NDEL1: variants seen among roughly 807,000 people sequenced by gnomAD.
NDEL1 encodes nudE neurodevelopment protein 1 like 1.
In NDEL1, 9 loss-of-function variants were observed where a neutral mutation model predicts 45.7. The ratio of observed to expected loss-of-function variants is 0.20; its 90% CI spans 0.12 to 0.34. The LOEUF (loss-of-function observed/expected upper bound fraction) is 0.34, where lower values mean the gene tolerates loss of function less well. NDEL1 is among the 10% of genes least tolerant of loss of function. The pLI is 1.00. For missense variants in NDEL1, 306 were observed against 406.2 expected (o/e 0.75, Z 2.12); for synonymous variants, 133 against 158.6 (o/e 0.84, Z 1.21).
At position 8,446,907 on chromosome 17, in the gene NDEL1, A is replaced by G. The variant is rs1910119614; in HGVS notation, c.389+5A>G. ...CGACCTGGAGCGAGCCAAAAGGTAA[A>G]CGAATGACTGCATTTTGTTAGAAAA... On this transcript the variant is annotated splice_donor_5th_base_variant and intron_variant, in intron 4 of 8. Coordinates refer to ENST00000334527, the MANE Select transcript of NDEL1 (RefSeq NM_030808.5). The G allele has an allele frequency of 6.2e-7, 1 of 1,613,204 alleles. No homozygotes were observed. The highest frequency in any genetic ancestry group is 1.3e-5 in the African/African-American group (1 of 74,858).
At position 8,428,356 on chromosome 17, in the gene NDEL1, G is replaced by T. The variant is rs1316148862; in HGVS notation, c.-13+15087G>T. Among the ~76,000 whole-genome samples the T allele has an allele frequency of 8.9e-5, 8 of 89,690 alleles. 1 individual carries two copies. Among genetic ancestry groups the T allele is most frequent in the South Asian group, 8.8e-4 (2 of 2,276 alleles). The allele number at this position is 89,690 out of a possible 152,430, so 58.8% of individuals were successfully genotyped here. On this transcript the variant is annotated intron_variant, in intron 1 of 4. Transcript: ENST00000582812. ...TGTGTGTGTGTGTGTGTGTGTGTGT[G>T]TGTGTATTTTTTTTTTTTTTTTTTC...
chr17:8,434,832 G>T (rs1377723901), upstream of NDEL1, among the ~76,000 whole-genome samples: 3 of 151,880 alleles, frequency 2.0e-5, no homozygotes, highest in Non-Finnish European at 4.4e-5. Context: ...AGCACTTTGG[G>T]AGGCCGAGGC....
chr17:8,472,605 G>C (rs148798929), downstream of NDEL1, among the ~76,000 whole-genome samples: 8 of 152,302 alleles, frequency 5.3e-5, no homozygotes, highest in East Asian at 1.4e-3. Flanking sequence ...GGAGGGTGAA[G>C]TGAGCTGAGA....
upstream of NDEL1, chr17:8,435,876 A>G (rs2151703259): frequency 1.1e-5 from 5 of 447,220 alleles, no homozygotes; most frequent in Non-Finnish European, 2.2e-5. Context: ...GGCCTCGGAC[A>G]CCCAGGCAGT....
At chr17:8,463,499 G>GTCC in intron 8 of NDEL1, 1 of 677,636 alleles carries the variant, frequency 1.5e-6, no homozygotes, top group Non-Finnish European at 2.5e-6. Context: ...AACTTTCACG[G>GTCC]TCCTGTTCGA....
Position 8,467,465 on chromosome 17 carries a change from A to G in NDEL1, c.*442A>G, listed in dbSNP as rs1911675810. ...CCTGAGCTCCCACCCAGGCATCTCC[A>G]GTGCTCATGATCATGTGTCCCCCAA... On this transcript the variant is annotated 3_prime_UTR_variant, in exon 9 of 9. Coordinates refer to ENST00000334527, the MANE Select transcript of NDEL1 (RefSeq NM_030808.5). The surrounding 1 kb of genome is among the most constrained non-coding windows in gnomAD (Gnocchi z 6.3). The G allele has an allele frequency of 2.6e-6, 1 of 381,954 alleles. No homozygotes were observed. The highest frequency in any genetic ancestry group is 4.5e-5 in the Admixed American group (1 of 22,180). 23.7% of individuals were successfully genotyped at this position (381,954 alleles called of 1,614,324 possible).
At chr17:8,454,078 A>T (rs1468502409) in intron 6 of NDEL1, among the ~76,000 whole-genome samples, 1 of 152,206 alleles carries the variant, frequency 6.6e-6, no homozygotes, top group Non-Finnish European at 1.5e-5. Flanking sequence ...TAAATGATCT[A>T]AATGTAAAAA....
intron 8 of NDEL1, among the ~76,000 whole-genome samples, chr17:8,460,717 A>G (rs775272308): frequency 6.6e-6 from 1 of 152,232 alleles, no homozygotes; most frequent in Non-Finnish European, 1.5e-5. Context: ...ATGGAAGTAT[A>G]TGAACTAAAA....
At chr17:8,428,363 T>TGTGTGTGTGTA (rs769560627) in intron 1 of NDEL1, among the ~76,000 whole-genome samples, 4 of 50,956 alleles carry the variant, frequency 7.8e-5, no homozygotes. Context: ...TGTGTGTGTA[T>TGTGTGTGTGTA]TTTTTTTTTT....
chr17:8,452,972 CAG>C (rs1235534878), intron 6 of NDEL1, among the ~76,000 whole-genome samples: 1 of 152,108 alleles, frequency 6.6e-6, no homozygotes. Context: ...CTCCTGACCT[CAG>C]GTGATCCACC....
intron 5 of NDEL1, among the ~76,000 whole-genome samples, chr17:8,450,288 C>T (rs891730021): frequency 2.6e-5 from 3 of 115,694 alleles, no homozygotes; most frequent in African/African-American, 9.7e-5. Flanking sequence ...GACTCCGTCT[C>T]AAAAAAAAAA....
Position 8,461,740 on chromosome 17 carries a change from C to T in NDEL1, c.944+1580C>T, listed in dbSNP as rs909178923. 2.0e-5 allele frequency among the ~76,000 whole-genome samples: 3 copies of T among 152,262 alleles called. No homozygotes were observed. The East Asian group carries it at 5.8e-4, about 29-fold the overall frequency. ...TGATATGGAGAACTTTTAGGGTAGTCTTCATAAATGTTGGAAGCAGTGCCT... is the reference window on the plus strand; with the variant it reads ...TGATATGGAGAACTTTTAGGGTAGTTTTCATAAATGTTGGAAGCAGTGCCT... On this transcript the variant is annotated intron_variant, in intron 8 of 8. Coordinates refer to ENST00000334527, the MANE Select transcript of NDEL1 (RefSeq NM_030808.5).
intron 1 of NDEL1, among the ~76,000 whole-genome samples, chr17:8,430,180 T>C (rs1409072211): frequency 6.6e-6 from 1 of 152,188 alleles, no homozygotes; most frequent in Admixed American, 6.5e-5. Flanking sequence ...GGTTTCGGCA[T>C]GTAGAGCTGG....
intron 7 of NDEL1, among the ~76,000 whole-genome samples, chr17:8,458,939 C>T (rs1911027756): frequency 6.6e-6 from 1 of 152,006 alleles, no homozygotes; most frequent in Non-Finnish European, 1.5e-5. Flanking sequence ...ACCATCTTGG[C>T]CAGGCTGGTC....
At chr17:8,445,626 A>G (rs1022634777) in intron 2 of NDEL1, 85 bp from the exon 3 acceptor site, 66 of 1,435,984 alleles carry the variant, frequency 4.6e-5, no homozygotes, top group Admixed American at 4.1e-4. Context: ...TCAAGCAAAA[A>G]TTATCGAATT....
At chr17:8,450,644 A>T in intron 5 of NDEL1, 136 bp from the exon 6 acceptor site, 1 of 766,502 alleles carries the variant, frequency 1.3e-6, no homozygotes. Context: ...AATGAAAGTT[A>T]TACTTAAATA....
intron 1 of NDEL1, among the ~76,000 whole-genome samples, chr17:8,427,663 G>A (rs538513856): frequency 3.0e-4 from 45 of 152,212 alleles, no homozygotes; most frequent in Non-Finnish European, 6.2e-4. Context: ...AGCCAAGCTC[G>A]CGCCACTGCA....
intron 1 of NDEL1, among the ~76,000 whole-genome samples, chr17:8,436,960 C>A (rs1293965872): frequency 6.6e-6 from 1 of 152,124 alleles, no homozygotes; most frequent in East Asian, 1.9e-4. Context: ...GATTTTTATA[C>A]CCTTCTCAGC....
At chr17:8,420,568 G>A (rs183687472) in intron 1 of NDEL1, among the ~76,000 whole-genome samples, 5 of 152,342 alleles carry the variant, frequency 3.3e-5, no homozygotes, top group Admixed American at 2.6e-4. Context: ...TCCATTCTCA[G>A]CTTATTCTTC....
Sources: gnomAD v4.1 joint callset for allele counts (sites outside exome capture counted in the v4.1 genomes callset) on GRCh38, gnomAD v4.1.1 for gene constraint, Gnocchi (gnomAD v3.1) non-coding constraint, MANE v1.5 for transcripts, NCBI Gene and HGNC (gene_info 2026-07-23, HGNC 2026-07-21) for gene names.